Variants in FNIP1 observed in about 807,000 individuals in gnomAD.
FNIP1 encodes the protein folliculin interacting protein 1, also known as folliculin-interacting protein 1.
In FNIP1, 40 loss-of-function variants were observed where a neutral mutation model predicts 124.5. The observed-to-expected ratio is 0.32, with a 90% confidence interval of 0.25 to 0.42. The LOEUF is 0.42. FNIP1 is among the 10% of genes least tolerant of loss of function. The pLI, the probability that FNIP1 is intolerant of heterozygous loss-of-function variation, is 1.00. For missense variants in FNIP1, 1,176 were observed against 1,403.7 expected, an observed-to-expected ratio of 0.84 and a Z score of 2.59; for synonymous variants, 472 against 470.6, an observed-to-expected ratio of 1.00 and a Z score of -0.04.
At chr5:131,648,182 A>T (rs1286581186) in intron 16 of FNIP1, among the ~76,000 whole-genome samples, 1 of 150,234 alleles carries the variant, frequency 6.7e-6, no homozygotes, top group African/African-American at 2.4e-5. Context: ...TTAAAAAAAA[A>T]AAAAAAAAAA....
At position 131,715,985 on chromosome 5, in the gene FNIP1, T is replaced by C. The variant is rs74604564; in HGVS notation, c.622+580A>G. Among the ~76,000 whole-genome samples, 952 of 152,340 alleles carry C rather than the reference T, an allele frequency of 6.2e-3. 7 individuals carry two copies. The highest frequency in any genetic ancestry group is 0.022 in the African/African-American group (901 of 41,580). ...GTATCGCAATACAGCAGCAGTTCAG[T>C]TGAGCTGTCTAGAAAAAATGACCAG... On this transcript the variant is annotated intron_variant, in intron 6 of 17. Coordinates refer to ENST00000510461, the MANE Select transcript of FNIP1 (RefSeq NM_133372.3).
intron 13 of FNIP1, chr5:131,677,452 T>A (rs1310759519): frequency 7.9e-6 from 3 of 381,616 alleles, no homozygotes; most frequent in African/African-American, 2.0e-5. Context: ...CCTGAAGATC[T>A]GAAGTTACTA....
At chr5:131,706,128 TC>T (rs1457314341) in intron 9 of FNIP1, among the ~76,000 whole-genome samples, 2 of 152,098 alleles carry the variant, frequency 1.3e-5, no homozygotes, top group Non-Finnish European at 2.9e-5. Context: ...ATACAGAGTT[TC>T]AGCTGGGAAG....
At chr5:131,743,485 G>A (rs1295253202) in intron 2 of FNIP1, among the ~76,000 whole-genome samples, 1 of 151,902 alleles carries the variant, frequency 6.6e-6, no homozygotes, top group Non-Finnish European at 1.5e-5. Flanking sequence ...GAAAATGAGA[G>A]ACACCAACAG....
chr5:131,671,710 G>C lies in FNIP1; in HGVS notation c.2734C>G (p.Leu912Val). 6.2e-7 allele frequency: 1 copy of C among 1,614,164 alleles called. No individual in the cohort carries two copies. Among genetic ancestry groups the C allele is most frequent in the Non-Finnish European group, 8.5e-7 (1 of 1,180,032 alleles). ...CTCTCTTTATCCCCATGGGGGACAA[G>C]AATGGAGAGTGTATCTCTTTGGTCC... ...QQDQRDTLSI[L>V]VPHGDKESSD... Residue 912 changes from leucine to valine, a missense_variant, in exon 14 of 18, where the codon CTT (leucine) becomes GTT (valine). Leu to Val is a conservative substitution (Grantham distance 32). Transcript: ENST00000510461.
intron 11 of FNIP1, among the ~76,000 whole-genome samples, chr5:131,685,181 A>G (rs1181152942): frequency 6.6e-6 from 1 of 152,118 alleles, no homozygotes; most frequent in East Asian, 1.9e-4. Context: ...TCCCTTGAGG[A>G]CAAGAGTTCA....
At chr5:131,663,462 T>C (rs1027448279) in intron 15 of FNIP1, among the ~76,000 whole-genome samples, 1 of 152,202 alleles carries the variant, frequency 6.6e-6, no homozygotes, top group Admixed American at 6.5e-5. Flanking sequence ...TCAAACATTG[T>C]CAGAAAAATG....
chr5:131,716,988 A>ATAT (rs1769488072), intron 5 of FNIP1, among the ~76,000 whole-genome samples: 1 of 149,834 alleles, frequency 6.7e-6, no homozygotes, highest in Admixed American at 6.6e-5. Context: ...ATATATATAT[A>ATAT]TTTTTTTTTA....
chr5:131,783,453 CAA>C (rs568684656), intron 1 of FNIP1, among the ~76,000 whole-genome samples: 3 of 132,650 alleles, frequency 2.3e-5, no homozygotes, highest in Non-Finnish European at 1.7e-5. Flanking sequence ...CAAAACAGAC[CAA>C]AAAAAAAAAA....
At chr5:131,747,889 G>A (rs180780919) in intron 1 of FNIP1, among the ~76,000 whole-genome samples, 32 of 152,188 alleles carry the variant, frequency 2.1e-4, no homozygotes, top group Admixed American at 5.2e-4. Flanking sequence ...GAAATACAAG[G>A]CCTCTGAGGA....
rs530923886 is a variant in FNIP1 at position 131,666,791 on chromosome 5, ATGT to A, written c.3108+3669_3108+3671del. On this transcript the variant is annotated intron_variant, in intron 15 of 17. Coordinates refer to ENST00000510461, the MANE Select transcript of FNIP1 (RefSeq NM_133372.3). ...GCAGGAAGAAACCCTTAAAATCAAA[ATGT>A]TGTCTTTATCTTCAGCAGGAGACAG... 1.1e-4 allele frequency among the ~76,000 whole-genome samples: 17 copies of A among 152,276 alleles called. No individual in the cohort carries two copies. The East Asian group carries it at 2.9e-3, about 26-fold the overall frequency.
intron 15 of FNIP1, among the ~76,000 whole-genome samples, chr5:131,657,564 C>T (rs1767233474): frequency 6.6e-6 from 1 of 151,904 alleles, no homozygotes; most frequent in African/African-American, 2.4e-5. Context: ...AATATCATGA[C>T]AGTCCGAAGA....
chr5:131,775,942 T>A (rs1189445614), intron 1 of FNIP1, among the ~76,000 whole-genome samples: 1 of 152,358 alleles, frequency 6.6e-6, no homozygotes, highest in Admixed American at 6.5e-5. Context: ...TCTTACCTTT[T>A]AAATCTGTGT....
intron 1 of FNIP1, among the ~76,000 whole-genome samples, chr5:131,759,469 T>C (rs1771154989): frequency 6.6e-6 from 1 of 151,936 alleles, no homozygotes; most frequent in South Asian, 2.1e-4. Flanking sequence ...AAAGATGACA[T>C]CCAAGCAGCC....
intron 1 of FNIP1, among the ~76,000 whole-genome samples, chr5:131,777,222 T>C (rs1290471132): frequency 6.6e-6 from 1 of 151,990 alleles, no homozygotes; most frequent in Admixed American, 6.6e-5. Flanking sequence ...TTTTAAAAAT[T>C]AAAACAAAAT....
chr5:131,660,137 G>A (rs1767381068), intron 15 of FNIP1, among the ~76,000 whole-genome samples: 2 of 152,098 alleles, frequency 1.3e-5, no homozygotes, highest in Non-Finnish European at 2.9e-5. Context: ...GGCAGGTGTG[G>A]ATGGGCGGCA....
intron 1 of FNIP1, among the ~76,000 whole-genome samples, chr5:131,768,301 T>C (rs1040667252): frequency 2.0e-5 from 3 of 152,188 alleles, no homozygotes; most frequent in African/African-American, 7.2e-5. Flanking sequence ...TTTTCAGCAA[T>C]ACGTATACCT....
At chr5:131,782,952 C>G (rs1236921131) in intron 1 of FNIP1, among the ~76,000 whole-genome samples, 1 of 152,198 alleles carries the variant, frequency 6.6e-6, no homozygotes, top group Non-Finnish European at 1.5e-5. Context: ...CGTGAGCCAC[C>G]GCGCCTGGTC....
intron 1 of FNIP1, among the ~76,000 whole-genome samples, chr5:131,777,715 C>T (rs1475520482): frequency 6.6e-6 from 1 of 152,086 alleles, no homozygotes; most frequent in East Asian, 1.9e-4. Flanking sequence ...AGAAGAAATG[C>T]AAACTATCAA....
Sources: gnomAD v4.1 joint callset for allele counts (sites outside exome capture counted in the v4.1 genomes callset) on GRCh38, gnomAD v4.1.1 for gene constraint, MANE v1.5 for transcripts, NCBI Gene and HGNC (gene_info 2026-07-23, HGNC 2026-07-21) for gene names.